Variants in KLHL36 observed in about 807,000 individuals in gnomAD.
The protein encoded by KLHL36 is kelch-like protein 36.
In KLHL36, 35 loss-of-function variants were observed where a neutral mutation model predicts 53.3. That is an observed-to-expected ratio of 0.66 (90% confidence interval 0.50 to 0.87). The LOEUF (loss-of-function observed/expected upper bound fraction) is 0.87. KLHL36 is among the 40% of genes least tolerant of loss of function. The probability of loss-of-function intolerance (pLI) is 0.00; values close to 1 mark genes in which losing one functional copy is unlikely to be tolerated. For synonymous variants in KLHL36, 472 were observed against 398.9 expected (o/e 1.18, Z -2.18); for missense variants, 864 against 897.6 (o/e 0.96, Z 0.48).
At chr16:84,660,100 C>T (rs568457520) in intron 4 of KLHL36, among the ~76,000 whole-genome samples, 183 bp downstream of exon 4, 18 of 152,250 alleles carry the variant, frequency 1.2e-4, no homozygotes, top group African/African-American at 3.1e-4. Context: ...GTCCGGGCTC[C>T]GGTTTCAGAC....
chr16:84,650,235 T>C (rs1173835624), intron 1 of KLHL36, among the ~76,000 whole-genome samples: 1 of 152,218 alleles, frequency 6.6e-6, no homozygotes. Context: ...GTGTCTAGAA[T>C]GTACTGTGTA....
At position 84,662,111 on chromosome 16, in the gene KLHL36, G is replaced by A; in HGVS notation, c.1829G>A (p.Arg610Lys). The A allele has an allele frequency of 1.3e-6, 2 of 1,557,050 alleles. No homozygotes were observed. Among genetic ancestry groups the A allele is most frequent in the Non-Finnish European group, 8.7e-7 (1 of 1,149,894 alleles). Residue 610 changes from arginine (R) to lysine (K), a missense_variant, in exon 5 of 5, where the codon AGG becomes AAG. Coordinates refer to ENST00000564996, the MANE Select transcript of KLHL36 (RefSeq NM_024731.4). ...AAGAAGAAGAAAGGCAAAGGCAAGA[G>A]GCACCAGGACCGGGGCCAGTGACCC... ...EDKKKKGKGK[R>K]HQDRGQ
intron 1 of KLHL36, chr16:84,649,073 A>G (rs1906653932): frequency 6.6e-6 from 1 of 152,054 alleles, no homozygotes; most frequent in African/African-American, 2.4e-5. Context: ...TGAGGTCGGG[A>G]GGGAGCTTGG....
intron 2 of KLHL36, 32 bp from the exon 3 acceptor site, chr16:84,656,839 T>C (rs767510749): frequency 1.0e-5 from 16 of 1,547,936 alleles, no homozygotes; most frequent in Non-Finnish European, 1.4e-5. Flanking sequence ...AGCAGGCTGC[T>C]GCGCCGTTTC....
At chr16:84,652,274 C>CTTTT (rs144092506) in intron 2 of KLHL36, among the ~76,000 whole-genome samples, 1 of 146,498 alleles carries the variant, frequency 6.8e-6, no homozygotes, top group Non-Finnish European at 1.5e-5. Flanking sequence ...ATGTTTCTAA[C>CTTTT]TTTTTTTTTT....
intron 4 of KLHL36, 149 bp downstream of exon 4, chr16:84,660,066 G>A: frequency 1.3e-6 from 1 of 795,258 alleles, no homozygotes; most frequent in Non-Finnish European, 2.0e-6. Flanking sequence ...ACACCATGAG[G>A]GGCGGAGGGC....
rs954219697 is a variant in KLHL36 at position 84,664,994 on chromosome 16, C to G, written c.*2861C>G. On this transcript the variant is annotated 3_prime_UTR_variant, in exon 5 of 5. Transcript: ENST00000564996. Reference sequence around the variant, plus strand: ...TGAGCTATGACCACACCACTGCACTCTAACCTGGGTGACGGAGTGAGACCC... The same window carrying G: ...TGAGCTATGACCACACCACTGCACTGTAACCTGGGTGACGGAGTGAGACCC... The G allele has an allele frequency of 1.3e-5, 2 of 152,244 alleles. No individual in the cohort carries two copies. The highest frequency in any genetic ancestry group is 2.9e-5 in the Non-Finnish European group (2 of 68,054). The allele number at this position is 152,244 out of a possible 1,614,324, so 9.4% of individuals were successfully genotyped here.
intron 4 of KLHL36, among the ~76,000 whole-genome samples, chr16:84,660,279 G>T (rs1907472094): frequency 6.6e-6 from 1 of 152,114 alleles, no homozygotes; most frequent in African/African-American, 2.4e-5. Flanking sequence ...CTCAGGCATG[G>T]GTCTTCACCC....
intron 1 of KLHL36, among the ~76,000 whole-genome samples, chr16:84,649,508 G>A (rs1400207269): frequency 6.6e-6 from 1 of 152,168 alleles, no homozygotes; most frequent in Non-Finnish European, 1.5e-5. Context: ...GCGTGAAGGT[G>A]GAATGAAGTC....
In KLHL36 at chr16:84,652,035, C is replaced by T. The variant is rs78920081; in HGVS notation, c.63+1105C>T. On this transcript the variant is annotated intron_variant, in intron 2 of 4. Transcript: ENST00000564996. ...CTTGAGATATGACCTCCTGTTCTCA[C>T]GTGAGTTCCCCAAGAAGGTTCCTGC... Among the ~76,000 whole-genome samples the T allele has an allele frequency of 1.9e-4, 29 of 152,302 alleles. No homozygotes were observed. The East Asian group carries it at 5.2e-3, about 27-fold the overall frequency.
At chr16:84,653,197 A>T (rs1907003285) in intron 2 of KLHL36, among the ~76,000 whole-genome samples, 1 of 151,928 alleles carries the variant, frequency 6.6e-6, no homozygotes, top group Non-Finnish European at 1.5e-5. Flanking sequence ...AACCTAAGTG[A>T]CAGAGCGAGA....
At position 84,662,237 on chromosome 16, in the gene KLHL36, GCT is replaced by G. The variant is rs1907604686; in HGVS notation, c.*105_*106del. 1.9e-6 allele frequency: 2 copies of G among 1,048,694 alleles called. No individual in the cohort carries two copies. The highest frequency in any genetic ancestry group is 3.6e-5 in the South Asian group (2 of 55,886). 65.0% of individuals were successfully genotyped at this position (1,048,694 alleles called of 1,614,324 possible). A position where few individuals can be genotyped will look rare whatever the true frequency, so the allele number is the denominator to read the frequency against. On this transcript the variant is annotated 3_prime_UTR_variant, in exon 5 of 5. Transcript: ENST00000564996. ...CGGAAACATTATGTACAACTTAGCAGCTTTTTTTACTTTTATGATTCTTGGTA... is the reference window on the plus strand; with the variant it reads ...CGGAAACATTATGTACAACTTAGCAGTTTTTTACTTTTATGATTCTTGGTA...
chr16:84,658,089 C>T (rs1207474099), intron 3 of KLHL36, 145 bp downstream of exon 3: 1 of 662,352 alleles, frequency 1.5e-6, no homozygotes. Flanking sequence ...GAGCAGAATA[C>T]CCCGGGGCCT....
intron 1 of KLHL36, 82 bp from the exon 2 acceptor site, chr16:84,650,770 T>G: frequency 2.0e-6 from 2 of 979,488 alleles, no homozygotes; most frequent in East Asian, 5.0e-5. Context: ...ACTGTCATCC[T>G]TGGTATCTGC....
rs1271749355 is a variant in KLHL36, at chr16:84,665,563, CA to C, written c.*3432del. ...TGTTCTGCCATTTTATTGAGGCTAT[CA>C]AGTGGGACTTCAGACCTGGCTCTGA... On this transcript the variant is annotated 3_prime_UTR_variant, in exon 5 of 5. Transcript: ENST00000564996. 2.0e-5 allele frequency: 3 copies of C among 152,198 alleles called. No individual in the cohort carries two copies. Among genetic ancestry groups the C allele is most frequent in the Non-Finnish European group, 4.4e-5 (3 of 68,028 alleles). 9.4% of individuals were successfully genotyped at this position (152,198 alleles called of 1,614,324 possible). A position where few individuals can be genotyped will look rare whatever the true frequency, so the allele number is the denominator to read the frequency against.
At chr16:84,652,408 A>C (rs2113252) in intron 2 of KLHL36, among the ~76,000 whole-genome samples, 98,779 of 151,822 alleles carry the variant, frequency 0.65, 32,494 homozygotes, top group African/African-American at 0.75. Context: ...GGAGCTGGGA[A>C]TACAGGTGCA....
At chr16:84,652,637 C>T (rs1036978389) in intron 2 of KLHL36, among the ~76,000 whole-genome samples, 1 of 152,178 alleles carries the variant, frequency 6.6e-6, no homozygotes, top group Non-Finnish European at 1.5e-5. Context: ...CCTATGTTGC[C>T]AGCACCCAGA....
chr16:84,655,607 G>A (rs1907153788), intron 2 of KLHL36, among the ~76,000 whole-genome samples: 1 of 151,862 alleles, frequency 6.6e-6, no homozygotes, highest in Non-Finnish European at 1.5e-5. Context: ...AGGAGGCTGA[G>A]GTGGGAGAAT....
intron 3 of KLHL36, 148 bp downstream of exon 3, chr16:84,658,092 C>G: frequency 1.5e-6 from 1 of 648,046 alleles, no homozygotes; most frequent in South Asian, 2.6e-5. Context: ...CAGAATACCC[C>G]GGGGCCTACA....
Sources: allele counts gnomAD v4.1 joint callset (sites outside exome capture counted in the v4.1 genomes callset), GRCh38; gene constraint gnomAD v4.1.1; transcripts MANE v1.5; gene names NCBI Gene and HGNC (gene_info 2026-07-23, HGNC 2026-07-21).